Variants in XAB2 observed in about 807,000 individuals in gnomAD.
XAB2 encodes the protein pre-mRNA-splicing factor SYF1.
A neutral mutation model predicts 113.4 loss-of-function variants in XAB2; 57 were observed. The ratio of observed to expected loss-of-function variants is 0.50; its 90% CI spans 0.41 to 0.63. The LOEUF (loss-of-function observed/expected upper bound fraction) is 0.63, where lower values mean the gene tolerates loss of function less well. Among genes scored for constraint, XAB2 ranks in the 20% least tolerant of loss-of-function variants. The pLI, the probability that XAB2 is intolerant of heterozygous loss-of-function variation, is 0.00. For synonymous variants in XAB2, 497 were observed against 498.8 expected (o/e 1.00, Z 0.05); for missense variants, 1,037 against 1,233.3 (o/e 0.84, Z 2.38).
At position 7,624,972 on chromosome 19, in the gene XAB2, C is replaced by G. The variant is rs1156401567; in HGVS notation, c.823-527G>C. 6.6e-6 allele frequency among the ~76,000 whole-genome samples: 1 copy of G among 152,252 alleles called. No individual in the cohort carries two copies. The highest frequency in any genetic ancestry group is 1.5e-5 in the Non-Finnish European group (1 of 68,046). ...CCCTGCTGCCTCCGACAGCCTTGGC[C>G]TACACGTGCCCCTGGAAGGGGCGCT... On this transcript the variant is annotated intron_variant, in intron 6 of 18. Transcript: ENST00000358368. This position sits in a 1 kb window ranked among gnomAD's most constrained non-coding sequence, Gnocchi z 4.2.
chr19:7,620,155 T>C, intron 16 of XAB2, 80 bp from the exon 17 acceptor site: 2 of 1,593,346 alleles, frequency 1.3e-6, no homozygotes, highest in Non-Finnish European at 1.7e-6. Flanking sequence ...GTCCCCCAGG[T>C]GATGGCCCAG....
Position 7,624,329 on chromosome 19 carries a change from G to T in XAB2, c.939C>A (p.Thr313=). 3.1e-6 allele frequency: 5 copies of T among 1,613,988 alleles called. No homozygotes were observed. Among genetic ancestry groups the T allele is most frequent in the Non-Finnish European group, 4.2e-6 (5 of 1,180,018 alleles). The part of the protein sequence containing the change: ...EESMIAAKME[T]ASELGREEED... ...CCTCCTCGCGCCCCAGCTCCGAGGCGGTCTCCATCTTTGCAGCGATCATGC... is the reference window on the plus strand; with the variant it reads ...CCTCCTCGCGCCCCAGCTCCGAGGCTGTCTCCATCTTTGCAGCGATCATGC... Residue 313 remains threonine (T), a synonymous_variant, in exon 7 of 19, where the codon ACC becomes ACA. Transcript: ENST00000358368. The surrounding 1 kb of genome is among the most constrained non-coding windows in gnomAD (Gnocchi z 4.2).
chr19:7,623,741 C>G lies in XAB2; in HGVS notation c.1109G>C (p.Arg370Pro). 6.2e-7 allele frequency: 1 copy of G among 1,601,998 alleles called. No individual in the cohort carries two copies. The highest frequency in any genetic ancestry group is 8.5e-7 in the Non-Finnish European group (1 of 1,175,434). The change falls in exon 8 of 19, where the codon CGC becomes CCC. Residue 370 changes from arginine (R) to proline (P), a missense_variant. Physicochemically the swap from Arg to Pro is moderately radical, Grantham distance 103. Coordinates refer to ENST00000358368, the MANE Select transcript of XAB2 (RefSeq NM_020196.3). The surrounding 1 kb of genome is among the most constrained non-coding windows in gnomAD (Gnocchi z 4.6). ...GCAGGCTTCATGTACCTCCCGGGGGCGGCCCTGGTGCAGGGCGACACGCTT... is the reference window on the plus strand; with the variant it reads ...GCAGGCTTCATGTACCTCCCGGGGGGGGCCCTGGTGCAGGGCGACACGCTT... Reference protein sequence around the residue: ...WHKRVALHQGRPREIINTYTE... With the variant: ...WHKRVALHQGPPREIINTYTE...
At position 7,623,097 on chromosome 19, in the gene XAB2, C is replaced by T. The variant is rs1282376001; in HGVS notation, c.1239+73G>A. The T allele has an allele frequency of 4.4e-6, 7 of 1,591,566 alleles. No homozygotes were observed. In the African/African-American group the frequency reaches 6.7e-5, roughly 15 times the overall value. ...ACACATCCATGCACAAATATGTACACACACATACATGCACACATATACAAG... is the reference window on the plus strand; with the variant it reads ...ACACATCCATGCACAAATATGTACATACACATACATGCACACATATACAAG... On this transcript the variant is annotated intron_variant, in intron 9 of 18. Coordinates refer to ENST00000358368, the MANE Select transcript of XAB2 (RefSeq NM_020196.3). The surrounding 1 kb of genome is among the most constrained non-coding windows in gnomAD (Gnocchi z 4.6).
intron 16 of XAB2, 52 bp downstream of exon 16, chr19:7,620,223 G>C (rs2031000264): frequency 6.2e-7 from 1 of 1,608,738 alleles, no homozygotes; most frequent in Non-Finnish European, 8.5e-7. Context: ...GCCCAGGTCA[G>C]GCCGGGCTGA....
chr19:7,620,504 C>G, intron 15 of XAB2, 43 bp downstream of exon 15: 1 of 1,610,610 alleles, frequency 6.2e-7, no homozygotes, highest in Non-Finnish European at 8.5e-7. Flanking sequence ...CTGACTCCGC[C>G]GCAGCCCCCA....
At chr19:7,626,583 G>GT (rs1359263348) in intron 4 of XAB2, among the ~76,000 whole-genome samples, 1 of 151,782 alleles carries the variant, frequency 6.6e-6, no homozygotes, top group East Asian at 1.9e-4. Context: ...GACTGCGGTG[G>GT]TCCAGTCTCA....
At position 7,620,083 on chromosome 19, in the gene XAB2, G is replaced by A. The variant is rs752952115; in HGVS notation, c.2267-8C>T. The A allele has an allele frequency of 1.2e-6, 2 of 1,610,580 alleles. No individual in the cohort carries two copies. Among genetic ancestry groups the A allele is most frequent in the Non-Finnish European group, 1.7e-6 (2 of 1,179,914 alleles). On this transcript the variant is annotated splice_region_variant and splice_polypyrimidine_tract_variant and intron_variant, in intron 16 of 18. Coordinates refer to ENST00000358368, the MANE Select transcript of XAB2 (RefSeq NM_020196.3). ...CAGGGGCCAGGTCAGACACTAGGGG[G>A]TGGGAGCAGGGGGTCAGCGCCACGG...
chr19:7,626,536 T>C (rs2031144146), intron 4 of XAB2, among the ~76,000 whole-genome samples: 1 of 150,364 alleles, frequency 6.7e-6, no homozygotes, highest in African/African-American at 2.5e-5. Flanking sequence ...AGCTGTGGAC[T>C]TTTTGGGTTA....
rs374151176 is a variant in XAB2 at position 7,622,371 on chromosome 19, A to G, written c.1577T>C (p.Met526Thr). 1.9e-6 allele frequency: 3 copies of G among 1,614,190 alleles called. No homozygotes were observed. Among genetic ancestry groups the G allele is most frequent in the Non-Finnish European group, 2.5e-6 (3 of 1,180,038 alleles). The change falls in exon 12 of 19, where the codon ATG (methionine) becomes ACG (threonine). Residue 526 changes from methionine to threonine, a missense_variant. By Grantham distance (81) the Met-to-Thr change is moderately conservative. Coordinates refer to ENST00000358368, the MANE Select transcript of XAB2 (RefSeq NM_020196.3). Reference protein sequence around the residue: ...ATPQIVINYAMFLEEHKYFEE... With the variant: ...ATPQIVINYATFLEEHKYFEE... The stretch of plus-strand genomic sequence containing the variant: ...GAAGTACTTGTGCTCCTCCAGGAAC[A>G]TGGCATAGTTGATGACGATCTGGGG...
In XAB2 at chr19:7,628,379, G is replaced by A. The variant is rs1024768946; in HGVS notation, c.52-81C>T. The A allele has an allele frequency of 7.6e-6, 12 of 1,573,650 alleles. No individual in the cohort carries two copies. The South Asian group carries it at 1.4e-4, about 18-fold the overall frequency. On this transcript the variant is annotated intron_variant, in intron 1 of 18. Coordinates refer to ENST00000358368, the MANE Select transcript of XAB2 (RefSeq NM_020196.3). The surrounding 1 kb of genome is among the most constrained non-coding windows in gnomAD (Gnocchi z 4.6). The stretch of plus-strand genomic sequence containing the variant: ...GCACCATCCCACTGCTGGGGCTCAG[G>A]TCCAAACTCCGGACTTTTACCTAGA...
chr19:7,625,115 T>G lies in XAB2; in HGVS notation c.823-670A>C, dbSNP rs1179729009. ...CCTGGGTTCCTGAGCCTCCCCGCTCTCGGCTCTGGCCCCCTCTGCACCCAC... is the reference window on the plus strand; with the variant it reads ...CCTGGGTTCCTGAGCCTCCCCGCTCGCGGCTCTGGCCCCCTCTGCACCCAC... On this transcript the variant is annotated intron_variant, in intron 6 of 18. Transcript: ENST00000358368. The surrounding 1 kb of genome is among the most constrained non-coding windows in gnomAD (Gnocchi z 5.2). Among the ~76,000 whole-genome samples, 1 of 152,192 alleles carries G rather than the reference T, an allele frequency of 6.6e-6. No homozygotes were observed. Among genetic ancestry groups the G allele is most frequent in the Non-Finnish European group, 1.5e-5 (1 of 68,036 alleles).
At position 7,622,830 on chromosome 19, in the gene XAB2, C is replaced by A. The variant is rs757943883; in HGVS notation, c.1303G>T (p.Val435Leu). 18 of 1,614,068 alleles carry A rather than the reference C, an allele frequency of 1.1e-5. No homozygotes were observed. The highest frequency in any genetic ancestry group is 1.4e-5 in the Non-Finnish European group (17 of 1,180,018). The change falls in exon 10 of 19, where the codon GTG (valine) becomes TTG (leucine). Residue 435 changes from valine (V) to leucine (L), a missense_variant. Val to Leu is a conservative substitution (Grantham distance 32, BLOSUM62 1). Coordinates refer to ENST00000358368, the MANE Select transcript of XAB2 (RefSeq NM_020196.3). The part of the protein sequence containing the change: ...NFKQVDDLAS[V>L]WCQCGELELR... ...TCCAGCTCTCCGCACTGACACCACA[C>A]GCTTGCCAGGTCATCCACCTGCTTG...
chr19:7,623,030 G>C lies in XAB2; in HGVS notation c.1240-137C>G. 6.5e-7 allele frequency: 1 copy of C among 1,539,480 alleles called. No individual in the cohort carries two copies. The highest frequency in any genetic ancestry group is 1.9e-5 in the Admixed American group (1 of 53,310). ...CACACACACAGGCACACACATGCGT[G>C]CACATATGCATGCACCCAAATGCAC... On this transcript the variant is annotated intron_variant, in intron 9 of 18. Coordinates refer to ENST00000358368, the MANE Select transcript of XAB2 (RefSeq NM_020196.3). This position sits in a 1 kb window ranked among gnomAD's most constrained non-coding sequence, Gnocchi z 4.6.
Position 7,621,106 on chromosome 19 carries a change from AC to A in XAB2, c.1780+28del, listed in dbSNP as rs746021238. ...CAGTCAGAAACCCAGCCCGCCCGCC[AC>A]CCCCCCCATGCCCTCTGCCCGCCTC... On this transcript the variant is annotated intron_variant, in intron 13 of 18. Transcript: ENST00000358368. 401 of 681,164 alleles carry A rather than the reference AC, an allele frequency of 5.9e-4. 1 individual carries two copies. The highest frequency in any genetic ancestry group is 4.7e-3 in the African/African-American group (134 of 28,462). 42.2% of individuals were successfully genotyped at this position (681,164 alleles called of 1,614,324 possible). A position where few individuals can be genotyped will look rare whatever the true frequency, so the allele number is the denominator to read the frequency against.
Position 7,619,858 on chromosome 19 carries a change from T to C in XAB2, c.2397-2A>G. 1 of 1,611,682 alleles carries C rather than the reference T, an allele frequency of 6.2e-7. No individual in the cohort carries two copies. The highest frequency in any genetic ancestry group is 8.5e-7 in the Non-Finnish European group (1 of 1,179,874). ...AGCTCCTCCCGGGAGGCGTCACTCC[T>C]AGGGACGGGCCATGCTGCCTCAGTT... On this transcript the variant is annotated splice_acceptor_variant, in intron 17 of 18. Coordinates refer to ENST00000358368, the MANE Select transcript of XAB2 (RefSeq NM_020196.3). LOFTEE classifies it high-confidence loss of function.
intron 13 of XAB2, 37 bp downstream of exon 13, chr19:7,621,098 C>CCCCCCCCCCCCCCCCCA: frequency 6.7e-6 from 10 of 1,494,970 alleles, no homozygotes; most frequent in Non-Finnish European, 9.0e-6. Context: ...AAACCCAGCC[C>CCCCCCCCCCCCCCCCCA]GCCCGCCACC....
rs905681185 is a variant in XAB2 at position 7,624,372 on chromosome 19, T to C, written c.896A>G (p.Tyr299Cys). 25 of 1,614,044 alleles carry C rather than the reference T, an allele frequency of 1.5e-5. No homozygotes were observed. Among genetic ancestry groups the C allele is most frequent in the Non-Finnish European group, 2.1e-5 (25 of 1,180,024 alleles). ...GATCATGCTCTCCTCGAACTGGGCG[T>C]AGCTGTCAAACACCTGTGTGAAGTC... ...VRDFTQVFDS[Y>C]AQFEESMIAA... is the part of the protein sequence containing the mutation. The change falls in exon 7 of 19, where the codon TAC becomes TGC. Residue 299 changes from tyrosine (Y) to cysteine (C), a missense_variant. Coordinates refer to ENST00000358368, the MANE Select transcript of XAB2 (RefSeq NM_020196.3). This position sits in a 1 kb window ranked among gnomAD's most constrained non-coding sequence, Gnocchi z 4.2.
chr19:7,627,767 G>C lies in XAB2; in HGVS notation c.285C>G (p.Val95=), dbSNP rs571488533. The C allele has an allele frequency of 6.2e-7, 1 of 1,613,708 alleles. No homozygotes were observed. The highest frequency in any genetic ancestry group is 1.7e-5 in the Admixed American group (1 of 59,984). The change falls in exon 3 of 19, where the codon GTC becomes GTG. Residue 95 remains valine (V), a synonymous_variant. Coordinates refer to ENST00000358368, the MANE Select transcript of XAB2 (RefSeq NM_020196.3). The surrounding 1 kb of genome is among the most constrained non-coding windows in gnomAD (Gnocchi z 4.5). ...CAAAGGCCCTCTCATGACAGTTGTT[G>C]ACATCTTCATAGGCAGGGTCGGTCA... ...RCVTDPAYED[V]NNCHERAFVF...
Sources: gnomAD v4.1 joint callset for allele counts (sites outside exome capture counted in the v4.1 genomes callset) on GRCh38, gnomAD v4.1.1 for gene constraint, Gnocchi (gnomAD v3.1) non-coding constraint, MANE v1.5 for transcripts, NCBI Gene and HGNC (gene_info 2026-07-23, HGNC 2026-07-21) for gene names.